The following PREX2 variants were observed in gnomAD, a reference collection of about 807,000 sequenced individuals.
The protein encoded by PREX2 is phosphatidylinositol-3,4,5-trisphosphate dependent Rac exchange factor 2.
A neutral mutation model predicts 203.2 loss-of-function variants in PREX2; 107 were observed. That is an observed-to-expected ratio of 0.53 (90% CI 0.45 to 0.62). The LOEUF is 0.62. PREX2 is among the 20% of genes least tolerant of loss of function. The pLI is 0.00. For missense variants in PREX2, 1,777 were observed against 1,955.9 expected (o/e 0.91, Z 1.72); for synonymous variants, 672 against 663.6 (o/e 1.01, Z -0.19).
In PREX2 at chr8:68,169,709, C is replaced by T. The variant is rs1412802532; in HGVS notation, c.4346+12273C>T. 2.6e-5 allele frequency among the ~76,000 whole-genome samples: 4 copies of T among 152,198 alleles called. No homozygotes were observed. The East Asian group carries it at 7.7e-4, about 29-fold the overall frequency. ...CTCTTTATTATCCATATTGTTTACACTGTATTAGGCCATCTGAGTCAATGG... is the reference window on the plus strand; with the variant it reads ...CTCTTTATTATCCATATTGTTTACATTGTATTAGGCCATCTGAGTCAATGG... On this transcript the variant is annotated intron_variant, in intron 35 of 39. Coordinates refer to ENST00000288368, the MANE Select transcript of PREX2 (RefSeq NM_024870.4).
In PREX2 at chr8:68,053,154, C is replaced by CA. The variant is rs1202177107; in HGVS notation, c.1007dup (p.Asn336LysfsTer2). ...AATGGATGGAAGATACATAACACAG[C>CA]AAAAAATAAATGGTTTGTTTGTATG... On this transcript the variant is annotated frameshift_variant, in exon 9 of 40. Transcript: ENST00000288368. LOFTEE classifies it high-confidence loss of function. 6.2e-7 allele frequency: 1 copy of CA among 1,613,146 alleles called. No individual in the cohort carries two copies. Among genetic ancestry groups the CA allele is most frequent in the Admixed American group, 1.7e-5 (1 of 59,924 alleles).
At chr8:68,220,986 A>G (rs1028720193) in intron 38 of PREX2, among the ~76,000 whole-genome samples, 3 of 152,126 alleles carry the variant, frequency 2.0e-5, no homozygotes, top group African/African-American at 7.2e-5. Context: ...ATAATACCCA[A>G]TAGGTAATTT....
intron 1 of PREX2, among the ~76,000 whole-genome samples, chr8:67,975,347 G>A (rs1317256249): frequency 7.8e-6 from 1 of 128,470 alleles, no homozygotes; most frequent in Non-Finnish European, 1.6e-5. Flanking sequence ...TGCTATATAA[G>A]TACCTGTAGG....
At chr8:68,105,149 A>C (rs200772934) in intron 23 of PREX2, 1 of 1,367,802 alleles carries the variant, frequency 7.3e-7, no homozygotes, top group African/African-American at 1.5e-5. Context: ...TTCAAGCTTC[A>C]GAAAGGTTTT....
chr8:68,058,258 T>G (rs1389919242), intron 10 of PREX2, among the ~76,000 whole-genome samples: 2 of 152,308 alleles, frequency 1.3e-5, no homozygotes, highest in East Asian at 3.9e-4. Flanking sequence ...CATTGTAATA[T>G]GACATTTTCA....
chr8:68,109,381 A>G, intron 24 of PREX2, 35 bp from the exon 25 acceptor site: 2 of 1,515,634 alleles, frequency 1.3e-6, no homozygotes, highest in East Asian at 2.3e-5. Context: ...GTTAAAGGTG[A>G]TACATATTAC....
At chr8:68,012,734 A>G (rs999369314) in intron 1 of PREX2, among the ~76,000 whole-genome samples, 9 of 152,242 alleles carry the variant, frequency 5.9e-5, no homozygotes, top group African/African-American at 2.2e-4. Context: ...TTCAAAGATG[A>G]AAAGATGCTG....
intron 8 of PREX2, among the ~76,000 whole-genome samples, chr8:68,045,722 G>T (rs1331328943): frequency 6.6e-6 from 1 of 152,052 alleles, no homozygotes; most frequent in East Asian, 1.9e-4. Context: ...GTGTGGAGTT[G>T]CCAGACAGTT....
intron 1 of PREX2, among the ~76,000 whole-genome samples, chr8:68,006,621 C>A (rs1807105621): frequency 6.6e-6 from 1 of 152,142 alleles, no homozygotes; most frequent in Non-Finnish European, 1.5e-5. Context: ...CTACACCCCC[C>A]AATATTGGAC....
At chr8:68,193,535 C>A (rs72662922) in intron 37 of PREX2, among the ~76,000 whole-genome samples, 82 of 152,170 alleles carry the variant, frequency 5.4e-4, no homozygotes, top group Non-Finnish European at 9.9e-4. Flanking sequence ...TGTGTAATAT[C>A]ATAAAGTGTT....
chr8:68,032,806 T>C (rs7008059), intron 6 of PREX2, among the ~76,000 whole-genome samples: 13,679 of 152,128 alleles, frequency 0.09, 650 homozygotes, highest in South Asian at 0.18. Flanking sequence ...AGGGAGAAGT[T>C]CAGACGTAGG....
intron 23 of PREX2, 80 bp downstream of exon 23, chr8:68,099,923 T>G (rs757989892): frequency 5.6e-6 from 7 of 1,251,636 alleles, no homozygotes; most frequent in Admixed American, 1.7e-5. Flanking sequence ...TTTTTGATAT[T>G]TTCTTTACAT....
At chr8:67,959,493 G>T (rs977481558) in intron 1 of PREX2, among the ~76,000 whole-genome samples, 3 of 152,120 alleles carry the variant, frequency 2.0e-5, no homozygotes, top group Non-Finnish European at 4.4e-5. Context: ...GCCAAGGGTA[G>T]AGAGACAATA....
At chr8:68,048,699 A>C (rs1292304892) in intron 8 of PREX2, among the ~76,000 whole-genome samples, 1 of 152,076 alleles carries the variant, frequency 6.6e-6, no homozygotes, top group Non-Finnish European at 1.5e-5. Flanking sequence ...AGACTATATA[A>C]AAACTATTTC....
chr8:68,074,504 T>C (rs1349577725), intron 14 of PREX2, among the ~76,000 whole-genome samples: 51 of 152,202 alleles, frequency 3.4e-4, no homozygotes, highest in Admixed American at 3.3e-3. Flanking sequence ...ACCGAAACTT[T>C]ATGATTCTGA....
intron 25 of PREX2, among the ~76,000 whole-genome samples, chr8:68,113,044 C>T (rs953508672): frequency 2.6e-5 from 4 of 152,042 alleles, no homozygotes; most frequent in African/African-American, 9.7e-5. Flanking sequence ...AATTAATGGA[C>T]CTCTAGTAGG....
intron 38 of PREX2, chr8:68,220,175 G>T (rs1168049737): frequency 6.6e-6 from 1 of 151,906 alleles, no homozygotes; most frequent in Non-Finnish European, 1.5e-5. Context: ...TTCCTCTGCA[G>T]ATTTTGTGTA....
At chr8:67,994,640 C>T (rs1214854388) in intron 1 of PREX2, among the ~76,000 whole-genome samples, 14 of 152,122 alleles carry the variant, frequency 9.2e-5, no homozygotes. Context: ...CCTTGTTAAG[C>T]ATCTATATAA....
chr8:68,149,110 A>G (rs766455790), intron 34 of PREX2, among the ~76,000 whole-genome samples: 2 of 152,206 alleles, frequency 1.3e-5, no homozygotes, highest in African/African-American at 4.8e-5. Flanking sequence ...TTTTCCTAGG[A>G]AATTTACTAA....
Sources: gnomAD v4.1 joint callset for allele counts (sites outside exome capture counted in the v4.1 genomes callset) on GRCh38, gnomAD v4.1.1 for gene constraint, MANE v1.5 for transcripts, NCBI Gene and HGNC (gene_info 2026-07-23, HGNC 2026-07-21) for gene names.